KCTD18: variants seen among roughly 807,000 people sequenced by gnomAD.
KCTD18 encodes the protein potassium channel tetramerization domain containing 18, also known as BTB/POZ domain-containing protein KCTD18.
KCTD18 carries 22 observed loss-of-function variants against 30.4 expected under a neutral mutation model. The observed-to-expected ratio is 0.72, with a 90% CI of 0.52 to 1.03. The LOEUF (loss-of-function observed/expected upper bound fraction) is 1.03, where lower values mean the gene tolerates loss of function less well. Ranked by LOEUF, KCTD18 falls within the 50% of genes least tolerant of loss-of-function variation. The probability of loss-of-function intolerance (pLI) is 0.00; values close to 1 mark genes in which losing one functional copy is unlikely to be tolerated. For missense variants in KCTD18, 529 were observed against 547.6 expected (o/e 0.97, Z 0.34); for synonymous variants, 186 against 209.0 (o/e 0.89, Z 0.95).
At chr2:200,501,300 T>C (rs1189241625) in intron 3 of KCTD18, among the ~76,000 whole-genome samples, 1 of 92,162 alleles carries the variant, frequency 1.1e-5, no homozygotes, top group Non-Finnish European at 2.4e-5. Context: ...CTAATTAAAC[T>C]AAAGAGCTTC....
intron 6 of KCTD18, among the ~76,000 whole-genome samples, chr2:200,492,018 C>T (rs757631388): frequency 1.5e-4 from 23 of 152,158 alleles, no homozygotes; most frequent in South Asian, 2.1e-4. Flanking sequence ...CAGTCATCAT[C>T]ATCGTTATCC....
At chr2:200,493,891 A>C (rs11896250) in intron 5 of KCTD18, among the ~76,000 whole-genome samples, 38,168 of 152,074 alleles carry the variant, frequency 0.25, 4,989 homozygotes, top group South Asian at 0.34. Context: ...AATCAGGGGA[A>C]CTTTGTGAAC....
intron 6 of KCTD18, 91 bp downstream of exon 6, chr2:200,493,081 C>T (rs2087944461): frequency 4.1e-6 from 3 of 739,182 alleles, no homozygotes; most frequent in Non-Finnish European, 7.2e-6. Context: ...TTAGTAAGGT[C>T]AAGAATTATT....
chr2:200,505,399 T>C (rs1559186662), intron 2 of KCTD18, among the ~76,000 whole-genome samples: 2 of 152,210 alleles, frequency 1.3e-5, no homozygotes, highest in Non-Finnish European at 2.9e-5. Context: ...GAACTGCATC[T>C]TCCTGGATAA....
Position 200,501,861 on chromosome 2 carries a change from A to G in KCTD18, c.373-2777T>C, listed in dbSNP as rs1425497386. ...ACGTATGTTTATTGCGGCATTATTC[A>G]CAATAGCAAAGACTTGGAACCAACC... is the stretch of plus-strand genomic sequence containing the variant. On this transcript the variant is annotated intron_variant, in intron 3 of 6. Coordinates refer to ENST00000359878, the MANE Select transcript of KCTD18 (RefSeq NM_152387.4). Among the ~76,000 whole-genome samples the G allele has an allele frequency of 8.0e-5, 12 of 150,934 alleles. No individual in the cohort carries two copies. The East Asian group carries it at 2.3e-3, about 29-fold the overall frequency.
rs745459410 is a variant in KCTD18 at position 200,490,366 on chromosome 2, C to A, written c.1015G>T (p.Ala339Ser). The change falls in exon 7 of 7, where the codon GCA becomes TCA. Residue 339 changes from alanine (A) to serine (S), a missense_variant. By Grantham distance (99) the Ala-to-Ser change is moderately conservative. Coordinates refer to ENST00000359878, the MANE Select transcript of KCTD18 (RefSeq NM_152387.4). ...SRATALVGTG[A>S]PGHPQASPGA... ...GGGGAAGCCTGAGGATGCCCAGGTG[C>A]CCCCGTGCCCACCAGGGCCGTGGCT... The A allele has an allele frequency of 6.2e-7, 1 of 1,614,228 alleles. No individual in the cohort carries two copies. The highest frequency in any genetic ancestry group is 8.5e-7 in the Non-Finnish European group (1 of 1,180,042).
intron 3 of KCTD18, among the ~76,000 whole-genome samples, chr2:200,499,506 C>T (rs537904087): frequency 2.5e-4 from 38 of 152,194 alleles, no homozygotes; most frequent in East Asian, 5.8e-4. Context: ...AACACCTCTA[C>T]GCAAATAAAC....
At chr2:200,505,175 T>C (rs770996689) in intron 2 of KCTD18, among the ~76,000 whole-genome samples, 15 of 152,200 alleles carry the variant, frequency 9.9e-5, no homozygotes, top group Admixed American at 2.0e-4. Context: ...TGCTTACAAA[T>C]AGGTGATATT....
At chr2:200,508,766 A>T (rs11692630) in intron 1 of KCTD18, among the ~76,000 whole-genome samples, 38,432 of 152,076 alleles carry the variant, frequency 0.25, 5,071 homozygotes, top group South Asian at 0.32. Context: ...GACATCTCGC[A>T]CTGCCTAGAA....
Position 200,505,302 on chromosome 2 carries a change from T to C in KCTD18, c.161-343A>G, listed in dbSNP as rs573518753. Among the ~76,000 whole-genome samples the C allele has an allele frequency of 3.3e-5, 5 of 152,300 alleles. 1 individual carries two copies. The South Asian group carries it at 1.0e-3, about 32-fold the overall frequency. ...GTTGCCATGTTTGGTTGTACTGGTG[T>C]ACTATATACACCATGCTAGGCCAAG... On this transcript the variant is annotated intron_variant, in intron 2 of 6. Transcript: ENST00000359878.
chr2:200,498,993 C>T lies in KCTD18; in HGVS notation c.464G>A (p.Cys155Tyr). 1 of 1,614,110 alleles carries T rather than the reference C, an allele frequency of 6.2e-7. No homozygotes were observed. The highest frequency in any genetic ancestry group is 1.3e-5 in the African/African-American group (1 of 75,064). Residue 155 changes from cysteine to tyrosine, a missense_variant, in exon 4 of 7, where the codon TGT (cysteine) becomes TAT (tyrosine). Coordinates refer to ENST00000359878, the MANE Select transcript of KCTD18 (RefSeq NM_152387.4). ...LHYLNTSGAS[C>Y]ESRIIGVYAT... ...ATATACACCAATAATTCTACTCTCA[C>T]AGCTTGCACCAGATGTGTTAAGATA...
At chr2:200,498,615 AG>A (rs1392847497) in intron 4 of KCTD18, among the ~76,000 whole-genome samples, 3 of 152,234 alleles carry the variant, frequency 2.0e-5, no homozygotes, top group African/African-American at 7.2e-5. Context: ...TTTCTTTTTA[AG>A]CCTCTCAGGG....
intron 1 of KCTD18, among the ~76,000 whole-genome samples, chr2:200,509,194 T>C (rs2030378155): frequency 6.6e-6 from 1 of 152,152 alleles, no homozygotes; most frequent in South Asian, 2.1e-4. Flanking sequence ...GATGAGGCCA[T>C]TGGGGTAAAA....
At position 200,504,805 on chromosome 2, in the gene KCTD18, G is replaced by A. The variant is rs144080666; in HGVS notation, c.315C>T (p.Asp105=). Residue 105 remains aspartate, a synonymous_variant, in exon 3 of 7, where the codon GAC becomes GAT. Coordinates refer to ENST00000359878, the MANE Select transcript of KCTD18 (RefSeq NM_152387.4). The part of the protein sequence containing the change: ...FGIPYPYSLS[D]HLANEMETYS... ...ATGTCTCCATTTCATTGGCCAAATG[G>A]TCAGACAGGCTGTATGGATAAGGGA... 999 of 1,614,148 alleles carry A rather than the reference G, an allele frequency of 6.2e-4. 1 individual carries two copies. In the African/African-American group the frequency reaches 0.012, roughly 20 times the overall value.
chr2:200,504,647 T>C, intron 3 of KCTD18, 101 bp downstream of exon 3: 1 of 863,780 alleles, frequency 1.2e-6, no homozygotes. Context: ...ATAAAAACTA[T>C]CTTGTTTGGT....
intron 6 of KCTD18, among the ~76,000 whole-genome samples, chr2:200,492,235 T>C (rs754881696): frequency 1.3e-5 from 2 of 152,180 alleles, no homozygotes; most frequent in East Asian, 3.9e-4. Flanking sequence ...CTGTGCACTG[T>C]AGGATGTTTA....
chr2:200,499,406 T>C (rs1559184188), intron 3 of KCTD18, among the ~76,000 whole-genome samples: 1 of 152,184 alleles, frequency 6.6e-6, no homozygotes, highest in Non-Finnish European at 1.5e-5. Flanking sequence ...TTTTATCATC[T>C]TTATAAGATC....
At chr2:200,497,618 T>C (rs1481814788) in intron 5 of KCTD18, 135 bp downstream of exon 5, 2 of 678,266 alleles carry the variant, frequency 2.9e-6, no homozygotes, top group East Asian at 5.2e-5. Context: ...TGCCTCAGTG[T>C]TATCATGAGA....
At chr2:200,490,753 C>G (rs1192363765) in intron 6 of KCTD18, 137 bp from the exon 7 acceptor site, 1 of 827,748 alleles carries the variant, frequency 1.2e-6, no homozygotes, top group Non-Finnish European at 1.8e-6. Flanking sequence ...TGGGCACCTA[C>G]CTCATCTCTC....
Sources: allele counts gnomAD v4.1 joint callset (sites outside exome capture counted in the v4.1 genomes callset), GRCh38; gene constraint gnomAD v4.1.1; transcripts MANE v1.5; gene names NCBI Gene and HGNC (gene_info 2026-07-23, HGNC 2026-07-21).